Variants in GABRR3 observed in about 807,000 individuals in gnomAD.
GABRR3 encodes gamma-aminobutyric acid type A receptor subunit rho3.
GABRR3 carries 29 observed loss-of-function variants against 43.2 expected under a neutral mutation model. The observed-to-expected ratio is 0.67, with a 90% CI of 0.50 to 0.92. GABRR3 has a LOEUF of 0.92. GABRR3 is among the 40% of genes least tolerant of loss of function. The probability of loss-of-function intolerance (pLI) is 0.00; values close to 1 mark genes in which losing one functional copy is unlikely to be tolerated. For missense variants in GABRR3, 576 were observed against 572.3 expected, an observed-to-expected ratio of 1.01 and a Z score of -0.07; for synonymous variants, 206 against 195.9, an observed-to-expected ratio of 1.05 and a Z score of -0.43.
chr3:98,018,002 TTC>T (rs869055367), intron 3 of GABRR3, among the ~76,000 whole-genome samples: 1 of 72,520 alleles, frequency 1.4e-5, no homozygotes, highest in Non-Finnish European at 3.4e-5. Context: ...GCCTCCAGTT[TTC>T]TTTTTTTTTT....
intron 2 of GABRR3, among the ~76,000 whole-genome samples, chr3:98,033,463 T>G (rs9851492): frequency 0.48 from 72,171 of 151,862 alleles, 17,340 homozygotes; most frequent in Admixed American, 0.53. Context: ...TTCTTTTTCT[T>G]TAAATGTCAC....
rs772326338 is a variant in GABRR3, at chr3:98,025,636, G to A, written c.169C>T (p.Arg57Trp). The stretch of plus-strand genomic sequence containing the variant: ...AGAAGTTGCTCATATTTCTGAGGCC[G>A]CGCTTTGGTACTGTCATCTTTCTTC... The change falls in exon 3 of 10, where the codon CGG becomes TGG. Residue 57 changes from arginine to tryptophan, a missense_variant. By Grantham distance (101) the Arg-to-Trp change is moderately radical. Coordinates refer to ENST00000621172, the Ensembl canonical transcript of GABRR3. 35 of 1,612,680 alleles carry A rather than the reference G, an allele frequency of 2.2e-5. No homozygotes were observed. The highest frequency in any genetic ancestry group is 8.9e-5 in the East Asian group (4 of 44,820).
chr3:97,989,821 T>A (rs1049489280), intron 9 of GABRR3, among the ~76,000 whole-genome samples: 7 of 152,150 alleles, frequency 4.6e-5, no homozygotes, highest in African/African-American at 1.7e-4. Flanking sequence ...GTGAGTACAT[T>A]TAAGCTAGTG....
At chr3:97,997,276 A>G (rs975298732) in intron 8 of GABRR3, among the ~76,000 whole-genome samples, 2 of 151,406 alleles carry the variant, frequency 1.3e-5, no homozygotes, top group Non-Finnish European at 2.9e-5. Flanking sequence ...AGGAGGAGCC[A>G]ATCATAATGC....
intron 2 of GABRR3, among the ~76,000 whole-genome samples, chr3:98,030,454 A>T (rs561980062): frequency 6.6e-6 from 1 of 152,218 alleles, no homozygotes; most frequent in Non-Finnish European, 1.5e-5. Context: ...TTAAGTGAAG[A>T]AAATACAAAA....
At chr3:98,014,679 G>C (rs938368251) in intron 4 of GABRR3, among the ~76,000 whole-genome samples, 2 of 152,152 alleles carry the variant, frequency 1.3e-5, no homozygotes, top group Non-Finnish European at 2.9e-5. Context: ...GGTGTAATGG[G>C]TCATAGAAGA....
intron 9 of GABRR3, among the ~76,000 whole-genome samples, chr3:97,988,597 T>TGGTGGTG (rs1397785885): frequency 6.6e-6 from 1 of 151,290 alleles, no homozygotes; most frequent in Non-Finnish European, 1.5e-5. Context: ...TGGTGAATTG[T>TGGTGGTG]GGTGGTGGGT....
rs534471100 is a variant in GABRR3, at chr3:98,027,192, C to T, written c.126-1513G>A. On this transcript the variant is annotated intron_variant, in intron 2 of 9. Coordinates refer to ENST00000621172, the Ensembl canonical transcript of GABRR3. ...TTAAATGTCTACTATGTTCAAGTCA[C>T]CAAGCCAAAGTAAACATTATTTTCA... is the stretch of plus-strand genomic sequence containing the variant. Among the ~76,000 whole-genome samples the T allele has an allele frequency of 8.3e-4, 126 of 152,258 alleles. 1 individual carries two copies. In the South Asian group the frequency reaches 0.014, roughly 17 times the overall value.
At chr3:97,999,089 C>T (rs1191279211) in intron 8 of GABRR3, 3 of 151,954 alleles carry the variant, frequency 2.0e-5, no homozygotes, top group Non-Finnish European at 4.4e-5. Context: ...TGGGAGGCCC[C>T]GAACAGAATG....
At chr3:98,032,874 A>G (rs1451732192) in intron 2 of GABRR3, among the ~76,000 whole-genome samples, 1 of 152,166 alleles carries the variant, frequency 6.6e-6, no homozygotes, top group Non-Finnish European at 1.5e-5. Flanking sequence ...AGAGTGGATT[A>G]TTCATTAATT....
chr3:98,017,003 A>T (rs1415756051), intron 4 of GABRR3, among the ~76,000 whole-genome samples: 4 of 152,210 alleles, frequency 2.6e-5, no homozygotes, highest in Non-Finnish European at 5.9e-5. Flanking sequence ...GAAAAAGGCT[A>T]ACAGGAAGCT....
At chr3:98,001,522 ACT>A in intron 8 of GABRR3, 91 bp downstream of exon 8, 1 of 1,332,146 alleles carries the variant, frequency 7.5e-7, no homozygotes. Context: ...CTAAACCACC[ACT>A]CTCTTTTCCT....
At chr3:98,035,195 T>A (rs1287656097) in exon 1 of GABRR3, 1 of 556,428 alleles carries the variant, frequency 1.8e-6, no homozygotes, top group Non-Finnish European at 3.1e-6. Context: ...TCTACCTGGA[T>A]CTTCAGCAAT....
downstream of GABRR3, chr3:97,986,604 G>T (rs183974774): frequency 2.1e-6 from 2 of 970,592 alleles, no homozygotes; most frequent in African/African-American, 3.3e-5. Flanking sequence ...GTTCCATCTA[G>T]GACTATCCAA....
intron 3 of GABRR3, among the ~76,000 whole-genome samples, chr3:98,020,457 CA>C (rs745684367): frequency 0.023 from 2,304 of 100,546 alleles, 39 homozygotes; most frequent in African/African-American, 0.065. Context: ...GTCCAATCTT[CA>C]AAAAAAAAAA....
At chr3:97,995,880 G>T (rs1178940633) in intron 8 of GABRR3, among the ~76,000 whole-genome samples, 1 of 152,172 alleles carries the variant, frequency 6.6e-6, no homozygotes, top group Non-Finnish European at 1.5e-5. Flanking sequence ...TCATGTGTTT[G>T]GATTAGAAAA....
chr3:98,007,901 G>T (rs781559953), exon 7 of GABRR3: 1 of 1,561,384 alleles, frequency 6.4e-7, no homozygotes, highest in Non-Finnish European at 8.7e-7. Flanking sequence ...CTCATTGTAG[G>T]CATCTAAAAC....
intron 3 of GABRR3, among the ~76,000 whole-genome samples, chr3:98,020,122 C>A (rs1706921450): frequency 6.6e-6 from 1 of 152,066 alleles, no homozygotes; most frequent in Admixed American, 6.5e-5. Flanking sequence ...TTGAAAAGGT[C>A]TTGGAGGAGC....
rs568880575 is a variant in GABRR3 at position 98,033,308 on chromosome 3, A to G, written c.125+1555T>C. Among the ~76,000 whole-genome samples, 140 of 152,338 alleles carry G rather than the reference A, an allele frequency of 9.2e-4. 3 individuals are homozygous for G. The highest frequency in any genetic ancestry group is 7.1e-4 in the Non-Finnish European group (48 of 68,030). On this transcript the variant is annotated intron_variant, in intron 2 of 9. Transcript: ENST00000621172. Reference sequence around the variant, plus strand: ...TGACAACAAATATGATTGGCCCCACATGGCCGAAATCCTGGCGTTTCCTAC... The same window carrying G: ...TGACAACAAATATGATTGGCCCCACGTGGCCGAAATCCTGGCGTTTCCTAC...
Sources: gnomAD v4.1 joint callset for allele counts (sites outside exome capture counted in the v4.1 genomes callset) on GRCh38, gnomAD v4.1.1 for gene constraint, MANE v1.5 for transcripts, NCBI Gene and HGNC (gene_info 2026-07-23, HGNC 2026-07-21) for gene names.